DENND2B: variants seen among roughly 807,000 people sequenced by gnomAD.
The protein encoded by DENND2B is DENN domain-containing protein 2B.
In DENND2B, 32 loss-of-function variants were observed where a neutral mutation model predicts 116.0. The ratio of observed to expected loss-of-function variants is 0.28; its 90% CI spans 0.21 to 0.37. DENND2B has a LOEUF of 0.37. DENND2B is among the 10% of genes least tolerant of loss of function. The pLI, the probability that DENND2B is intolerant of heterozygous loss-of-function variation, is 1.00. For synonymous variants in DENND2B, 588 were observed against 583.9 expected (o/e 1.01, Z -0.10); for missense variants, 1,276 against 1,477.7 (o/e 0.86, Z 2.24).
At chr11:8,706,072 C>G (rs2042545400) in intron 13 of DENND2B, among the ~76,000 whole-genome samples, 1 of 152,070 alleles carries the variant, frequency 6.6e-6, no homozygotes, top group Admixed American at 6.5e-5. Flanking sequence ...GGGTGAAACC[C>G]TGTCTCTATA....
chr11:8,800,782 G>A (rs1250638708), intron 1 of DENND2B, among the ~76,000 whole-genome samples: 1 of 152,130 alleles, frequency 6.6e-6, no homozygotes, highest in Non-Finnish European at 1.5e-5. Context: ...GGCAGCAAAA[G>A]TTCCTGTTCC....
rs978133776 is a variant in DENND2B at position 8,702,804 on chromosome 11, T to C, written c.2572-84A>G. 2 of 1,532,616 alleles carry C rather than the reference T, an allele frequency of 1.3e-6. No individual in the cohort carries two copies. Among genetic ancestry groups the C allele is most frequent in the Non-Finnish European group, 1.8e-6 (2 of 1,133,046 alleles). 94.9% of individuals were successfully genotyped at this position (1,532,616 alleles called of 1,614,324 possible). A position where few individuals can be genotyped will look rare whatever the true frequency, so the allele number is the denominator to read the frequency against. On this transcript the variant is annotated intron_variant, in intron 13 of 19. Coordinates refer to ENST00000313726, the MANE Select transcript of DENND2B (RefSeq NM_213618.2). This position sits in a 1 kb window ranked among gnomAD's most constrained non-coding sequence, Gnocchi z 4.6. Reference sequence around the variant, plus strand: ...CCCTCCACGAAGCAACTGGAGCTGCTTTCCCCTTCCAACCTGCTCTTTTCC... The same window carrying C: ...CCCTCCACGAAGCAACTGGAGCTGCCTTCCCCTTCCAACCTGCTCTTTTCC...
At chr11:8,851,151 C>T (rs144685588) in intron 3 of DENND2B, among the ~76,000 whole-genome samples, 1 of 152,168 alleles carries the variant, frequency 6.6e-6, no homozygotes, top group Non-Finnish European at 1.5e-5. Flanking sequence ...ACATCACATA[C>T]TTGAAAATTA....
Position 8,718,315 on chromosome 11 carries a change from C to T in DENND2B, c.1478-423G>A, listed in dbSNP as rs1047295914. ...TAGGAAGGGTTTTCAGGTCACATGG[C>T]TGTCCCTTCACCCAACTCTCAGGGG... On this transcript the variant is annotated intron_variant, in intron 4 of 19. Coordinates refer to ENST00000313726, the MANE Select transcript of DENND2B (RefSeq NM_213618.2). 45 of 1,496,880 alleles carry T rather than the reference C, an allele frequency of 3.0e-5. No homozygotes were observed. In the Admixed American group the frequency reaches 7.5e-4, roughly 25 times the overall value. 92.7% of individuals were successfully genotyped at this position (1,496,880 alleles called of 1,614,324 possible).
chr11:8,766,338 G>T (rs2055779755), intron 1 of DENND2B, among the ~76,000 whole-genome samples: 1 of 152,062 alleles, frequency 6.6e-6, no homozygotes, highest in African/African-American at 2.4e-5. Flanking sequence ...TTATCCCTCA[G>T]CCCAGGCGCC....
At chr11:8,704,005 C>T (rs2042161492) in intron 13 of DENND2B, among the ~76,000 whole-genome samples, 1 of 152,202 alleles carries the variant, frequency 6.6e-6, no homozygotes, top group South Asian at 2.1e-4. Context: ...GCCCAACAGG[C>T]TCTGCTCTCT....
intron 1 of DENND2B, among the ~76,000 whole-genome samples, chr11:8,753,446 T>C (rs2052930026): frequency 6.6e-6 from 1 of 152,170 alleles, no homozygotes; most frequent in Non-Finnish European, 1.5e-5. Context: ...ACCATATTCA[T>C]GGATCAGAAA....
At chr11:8,758,207 G>A (rs561353904) in intron 1 of DENND2B, among the ~76,000 whole-genome samples, 4 of 152,234 alleles carry the variant, frequency 2.6e-5, no homozygotes, top group African/African-American at 7.2e-5. Flanking sequence ...ATGGAGTCAC[G>A]ACTCACCATC....
At chr11:8,764,155 G>A (rs986022788) in intron 1 of DENND2B, among the ~76,000 whole-genome samples, 12 of 152,108 alleles carry the variant, frequency 7.9e-5, no homozygotes, top group African/African-American at 2.7e-4. Context: ...GGGAGGCGGA[G>A]GTTGCAGTGA....
At chr11:8,821,564 G>A (rs967427527) in intron 4 of DENND2B, among the ~76,000 whole-genome samples, 3 of 134,858 alleles carry the variant, frequency 2.2e-5, no homozygotes, top group Non-Finnish European at 4.8e-5. Flanking sequence ...AGGAGACAGA[G>A]AGAGATCCTG....
rs1326395508 is a variant in DENND2B at position 8,731,008 on chromosome 11, G to C, written c.282C>G (p.Phe94Leu). 4 of 1,614,068 alleles carry C rather than the reference G, an allele frequency of 2.5e-6. No homozygotes were observed. Among genetic ancestry groups the C allele is most frequent in the Admixed American group, 1.7e-5 (1 of 60,012 alleles). Residue 94 changes from phenylalanine to leucine, a missense_variant, in exon 3 of 20, where the codon TTC becomes TTG. Physicochemically the swap from Phe to Leu is conservative, Grantham distance 22. This residue lies in a region of DENND2B where 856 missense variants were observed against 846.6 expected (regional missense o/e 1.01). Transcript: ENST00000313726. ...CCAAATAACCGAAGCTGGCGGTCTT[G>C]AAGGGACAGGTGGGTGGGGAAGTAT... Reference protein sequence around the residue: ...SPDTSPPTCPFKTASFGYLDR... With the variant: ...SPDTSPPTCPLKTASFGYLDR...
chr11:8,879,064 G>A (rs1243885512), intron 2 of DENND2B, among the ~76,000 whole-genome samples: 2 of 152,152 alleles, frequency 1.3e-5, no homozygotes, highest in Admixed American at 1.3e-4. Flanking sequence ...TTTTAAAAAG[G>A]TAGACTCACT....
intron 1 of DENND2B, among the ~76,000 whole-genome samples, chr11:8,883,050 C>T (rs1281628712): frequency 1.3e-5 from 2 of 152,094 alleles, no homozygotes; most frequent in Non-Finnish European, 2.9e-5. Context: ...TATACAAAGG[C>T]GCATTCTTCA....
At position 8,702,879 on chromosome 11, in the gene DENND2B, C is replaced by CG; in HGVS notation, c.2572-160dup. On this transcript the variant is annotated intron_variant, in intron 13 of 19. Coordinates refer to ENST00000313726, the MANE Select transcript of DENND2B (RefSeq NM_213618.2). This position sits in a 1 kb window ranked among gnomAD's most constrained non-coding sequence, Gnocchi z 4.6. ...CAGTAAACCCCTCTTCTCCATCCCT[C>CG]GGACTACAGCTCTGCTCTCGTAGCA... 1.2e-6 allele frequency: 1 copy of CG among 862,180 alleles called. No individual in the cohort carries two copies. 53.4% of individuals were successfully genotyped at this position (862,180 alleles called of 1,614,324 possible).
intron 1 of DENND2B, among the ~76,000 whole-genome samples, chr11:8,781,240 T>A (rs2058340345): frequency 6.6e-6 from 1 of 151,948 alleles, no homozygotes; most frequent in African/African-American, 2.4e-5. Flanking sequence ...TAGCCTGAAG[T>A]CAATAGGCAG....
intron 2 of DENND2B, among the ~76,000 whole-genome samples, chr11:8,749,893 G>A (rs980383064): frequency 6.6e-6 from 1 of 152,184 alleles, no homozygotes; most frequent in Non-Finnish European, 1.5e-5. Context: ...GACCAGAGAA[G>A]CCCTGGTGAG....
intron 4 of DENND2B, chr11:8,719,212 G>C: frequency 1.0e-6 from 1 of 985,460 alleles, no homozygotes; most frequent in Non-Finnish European, 1.2e-6. Context: ...CACGGGAGAA[G>C]AGCCAATCCC....
intron 1 of DENND2B, among the ~76,000 whole-genome samples, chr11:8,764,954 A>AG (rs1263634336): frequency 6.6e-6 from 1 of 150,670 alleles, no homozygotes; most frequent in African/African-American, 2.4e-5. Flanking sequence ...AAAAAAAAAA[A>AG]AAAAAAAAAA....
At chr11:8,816,867 C>G (rs1176280783) in intron 4 of DENND2B, among the ~76,000 whole-genome samples, 2 of 152,186 alleles carry the variant, frequency 1.3e-5, no homozygotes, top group Non-Finnish European at 2.9e-5. Context: ...TTCGGCTTGA[C>G]TGTCCTACTG....
Sources: gnomAD v4.1 joint callset for allele counts (sites outside exome capture counted in the v4.1 genomes callset) on GRCh38, gnomAD v4.1.1 for gene constraint, gnomAD v4.1.1 regional missense constraint, Gnocchi (gnomAD v3.1) non-coding constraint, MANE v1.5 for transcripts, NCBI Gene and HGNC (gene_info 2026-07-23, HGNC 2026-07-21) for gene names.